The following EEF1AKMT2 variants were observed in gnomAD, a reference collection of about 807,000 sequenced individuals.
EEF1AKMT2 encodes eukaryotic translation elongation factor 1 alpha lysine methyltransferase 2.
In EEF1AKMT2, 32 loss-of-function variants were observed where a neutral mutation model predicts 35.8. The observed-to-expected ratio is 0.89, with a 90% CI of 0.67 to 1.20. The LOEUF is 1.20. Among genes scored for constraint, EEF1AKMT2 ranks in the 50% most tolerant of loss-of-function variants. EEF1AKMT2 has a pLI of 0.00. For missense variants in EEF1AKMT2, 330 were observed against 347.5 expected, an observed-to-expected ratio of 0.95 and a Z score of 0.40; for synonymous variants, 121 against 133.7, an observed-to-expected ratio of 0.91 and a Z score of 0.65.
Position 124,765,574 on chromosome 10 carries a change from G to T in EEF1AKMT2, c.434C>A (p.Ser145Tyr). ...TTTGTCAATACAAATATGAAATCCAGACAGCTGTGTGGAGAGATTCAAAAA... is the reference window on the plus strand; with the variant it reads ...TTTGTCAATACAAATATGAAATCCATACAGCTGTGTGGAGAGATTCAAAAA... Reference protein sequence around the residue: ...EDFLNLSTQLSGFHICIDKGT... With the variant: ...EDFLNLSTQLYGFHICIDKGT... Residue 145 changes from serine to tyrosine, a missense_variant, in exon 5 of 7, where the codon TCT (serine) becomes TAT (tyrosine). Ser to Tyr is a moderately radical substitution (Grantham distance 144). Coordinates refer to ENST00000368836, the MANE Select transcript of EEF1AKMT2 (RefSeq NM_212554.4). 6.2e-7 allele frequency: 1 copy of T among 1,613,742 alleles called. No homozygotes were observed. The highest frequency in any genetic ancestry group is 8.5e-7 in the Non-Finnish European group (1 of 1,179,836).
chr10:124,760,413 A>AT lies in EEF1AKMT2; in HGVS notation c.*89dup, dbSNP rs1476196308. On this transcript the variant is annotated 3_prime_UTR_variant, in exon 7 of 7. Transcript: ENST00000368836. ...GAATTCGTCCAAGAAAAAGTCTCACATTTTTTGGAAAACCAATGCTGCTAC... is the reference window on the plus strand; with the variant it reads ...GAATTCGTCCAAGAAAAAGTCTCACATTTTTTTGGAAAACCAATGCTGCTAC... The AT allele has an allele frequency of 6.2e-7, 1 of 1,611,124 alleles. No individual in the cohort carries two copies. Among genetic ancestry groups the AT allele is most frequent in the Non-Finnish European group, 8.5e-7 (1 of 1,177,610 alleles).
chr10:124,774,375 A>C (rs1950468608), intron 4 of EEF1AKMT2, among the ~76,000 whole-genome samples: 2 of 33,960 alleles, frequency 5.9e-5, no homozygotes, highest in South Asian at 1.7e-3. Flanking sequence ...ACTCAGTCTC[A>C]AAAAAAAAAA....
At chr10:124,779,023 C>A (rs1211123629) in intron 3 of EEF1AKMT2, among the ~76,000 whole-genome samples, 2 of 151,918 alleles carry the variant, frequency 1.3e-5, no homozygotes, top group Non-Finnish European at 1.5e-5. Context: ...GATGAATGTT[C>A]TACACCAAAT....
At chr10:124,762,167 C>T in intron 6 of EEF1AKMT2, 133 bp downstream of exon 6, 1 of 633,146 alleles carries the variant, frequency 1.6e-6, no homozygotes, top group South Asian at 5.1e-5. Context: ...GCCAATGCGC[C>T]ACCCCACGCC....
At chr10:124,763,774 C>T (rs1341658912) in intron 5 of EEF1AKMT2, among the ~76,000 whole-genome samples, 1 of 151,990 alleles carries the variant, frequency 6.6e-6, no homozygotes, top group Non-Finnish European at 1.5e-5. Flanking sequence ...ATTTAAAAAC[C>T]AGGAAAGAAA....
chr10:124,774,313 G>A (rs1049554497), intron 4 of EEF1AKMT2, among the ~76,000 whole-genome samples: 3 of 125,098 alleles, frequency 2.4e-5, no homozygotes, highest in Non-Finnish European at 4.7e-5. Flanking sequence ...CTTGCAGTAA[G>A]CCGAGATGGC....
chr10:124,789,660 C>T (rs955250188), intron 2 of EEF1AKMT2, among the ~76,000 whole-genome samples: 8 of 150,656 alleles, frequency 5.3e-5, no homozygotes, highest in Non-Finnish European at 7.4e-5. Context: ...GAGGCTGTGG[C>T]GGGAGGATCA....
intron 4 of EEF1AKMT2, among the ~76,000 whole-genome samples, chr10:124,772,059 A>G (rs559125513): frequency 2.0e-5 from 3 of 152,274 alleles, no homozygotes; most frequent in Non-Finnish European, 4.4e-5. Flanking sequence ...TGTTCCATTT[A>G]TAGAGCTCAT....
intron 2 of EEF1AKMT2, among the ~76,000 whole-genome samples, 171 bp downstream of exon 2, chr10:124,790,102 C>T (rs1004428519): frequency 6.6e-6 from 1 of 152,030 alleles, no homozygotes; most frequent in Non-Finnish European, 1.5e-5. Flanking sequence ...ACCATGTCGG[C>T]CAGGATGGTC....
At chr10:124,788,322 G>T (rs1950604797) in intron 3 of EEF1AKMT2, among the ~76,000 whole-genome samples, 1 of 151,924 alleles carries the variant, frequency 6.6e-6, no homozygotes, top group Admixed American at 6.6e-5. Context: ...GTGTATTACT[G>T]CATGCATCAA....
At chr10:124,768,867 A>T (rs1015304906) in intron 4 of EEF1AKMT2, among the ~76,000 whole-genome samples, 22 of 152,230 alleles carry the variant, frequency 1.4e-4, no homozygotes, top group African/African-American at 5.3e-4. Flanking sequence ...AACAAGAAAT[A>T]ATGGTGGTTC....
intron 3 of EEF1AKMT2, among the ~76,000 whole-genome samples, chr10:124,777,026 T>C (rs1379412640): frequency 2.0e-5 from 3 of 151,790 alleles, no homozygotes; most frequent in African/African-American, 7.3e-5. Context: ...AAGCTTGTAA[T>C]CCTATCATTT....
chr10:124,760,342 TTC>T lies in EEF1AKMT2; in HGVS notation c.*159_*160del. The T allele has an allele frequency of 2.8e-6, 3 of 1,068,110 alleles. No homozygotes were observed. Among genetic ancestry groups the T allele is most frequent in the Non-Finnish European group, 4.2e-6 (3 of 713,024 alleles). The allele number at this position is 1,068,110 out of a possible 1,614,324, so 66.2% of individuals were successfully genotyped here. On this transcript the variant is annotated 3_prime_UTR_variant, in exon 7 of 7. Transcript: ENST00000368836. Reference sequence around the variant, plus strand: ...CTAAGCATTTATTTGCACAAGGATTTTCTGTGTCAGGTTAACTTTGCTGTGTA... The same window carrying T: ...CTAAGCATTTATTTGCACAAGGATTTTGTGTCAGGTTAACTTTGCTGTGTA...
In EEF1AKMT2 at chr10:124,758,132, T is replaced by C. The variant is rs185614870; in HGVS notation, c.*2371A>G. 4.9e-4 allele frequency: 75 copies of C among 152,268 alleles called. No homozygotes were observed. The highest frequency in any genetic ancestry group is 2.5e-3 in the Admixed American group (38 of 15,296). 9.4% of individuals were successfully genotyped at this position (152,268 alleles called of 1,614,324 possible). The stretch of plus-strand genomic sequence containing the variant: ...AATCGCGTTTGCATTTCAAACAAGT[T>C]TCCTCAAAGTAAGCGTCTTTCGATT... On this transcript the variant is annotated 3_prime_UTR_variant, in exon 7 of 7. Transcript: ENST00000368836.
chr10:124,763,424 G>C (rs1429647197), intron 5 of EEF1AKMT2, among the ~76,000 whole-genome samples: 1 of 152,192 alleles, frequency 6.6e-6, no homozygotes, highest in East Asian at 1.9e-4. Flanking sequence ...CAAAGAGAAT[G>C]TGGCAGCCAG....
chr10:124,758,976 G>C lies in EEF1AKMT2; in HGVS notation c.*1527C>G, dbSNP rs4962697. On this transcript the variant is annotated 3_prime_UTR_variant, in exon 7 of 7. Coordinates refer to ENST00000368836, the MANE Select transcript of EEF1AKMT2 (RefSeq NM_212554.4). ...CTTGTCTTAATGGTTGATCAATGTT[G>C]ATCTAAATGAAAAACTCACTCCTCT... The C allele has an allele frequency of 0.49, 74,087 of 151,896 alleles. 20,042 individuals carry two copies. Among genetic ancestry groups the C allele is most frequent in the South Asian group, 0.65 (3,112 of 4,814 alleles). 9.4% of individuals were successfully genotyped at this position (151,896 alleles called of 1,614,324 possible). A position where few individuals can be genotyped will look rare whatever the true frequency, so the allele number is the denominator to read the frequency against.
intron 4 of EEF1AKMT2, among the ~76,000 whole-genome samples, chr10:124,774,138 C>A (rs542213493): frequency 6.6e-6 from 1 of 152,022 alleles, no homozygotes; most frequent in African/African-American, 2.4e-5. Context: ...GAGGCCGAAG[C>A]GGGCAGATCA....
At chr10:124,772,361 T>C (rs1950443850) in intron 4 of EEF1AKMT2, among the ~76,000 whole-genome samples, 1 of 151,322 alleles carries the variant, frequency 6.6e-6, no homozygotes, top group Non-Finnish European at 1.5e-5. Flanking sequence ...ACCTTCTACA[T>C]CAGTACTTAG....
chr10:124,759,565 G>A lies in EEF1AKMT2; in HGVS notation c.*938C>T, dbSNP rs960441458. ...TGAGGCAGAATATGCTAGGAGAAGA[G>A]TATGTGTTTTAAAGTCAGACAGACC... On this transcript the variant is annotated 3_prime_UTR_variant, in exon 7 of 7. Transcript: ENST00000368836. 1 of 152,208 alleles carries A rather than the reference G, an allele frequency of 6.6e-6. No homozygotes were observed. Among genetic ancestry groups the A allele is most frequent in the Non-Finnish European group, 1.5e-5 (1 of 68,032 alleles). 9.4% of individuals were successfully genotyped at this position (152,208 alleles called of 1,614,324 possible).
Sources: allele counts gnomAD v4.1 joint callset (sites outside exome capture counted in the v4.1 genomes callset), GRCh38; gene constraint gnomAD v4.1.1; transcripts MANE v1.5; gene names NCBI Gene and HGNC (gene_info 2026-07-23, HGNC 2026-07-21).